Variants in DPP10 observed in about 807,000 individuals in gnomAD.
DPP10 encodes inactive dipeptidyl peptidase 10.
Under a neutral mutation model 120.9 loss-of-function variants are expected in DPP10, and 33 were observed. The observed-to-expected ratio is 0.27, with a 90% confidence interval of 0.21 to 0.37. The LOEUF is 0.37. Ranked by LOEUF, DPP10 falls within the 10% of genes least tolerant of loss-of-function variation. The probability of loss-of-function intolerance (pLI) is 1.00; values close to 1 mark genes in which losing one functional copy is unlikely to be tolerated. For synonymous variants in DPP10, 337 were observed against 326.1 expected, an observed-to-expected ratio of 1.03 and a Z score of -0.36; for missense variants, 816 against 942.8, an observed-to-expected ratio of 0.87 and a Z score of 1.76.
chr2:115,489,671 A>G (rs1417839723), intron 3 of DPP10, among the ~76,000 whole-genome samples: 3 of 151,792 alleles, frequency 2.0e-5, no homozygotes, highest in Admixed American at 1.3e-4. Context: ...ACCTAACTAC[A>G]GATAGCAGAC....
intron 3 of DPP10, among the ~76,000 whole-genome samples, chr2:115,451,979 A>G (rs950885681): frequency 2.6e-5 from 4 of 151,864 alleles, no homozygotes; most frequent in African/African-American, 9.7e-5. Flanking sequence ...ATATGACATT[A>G]TAGTGTATTT....
At chr2:115,522,136 A>G (rs2148882775) in intron 4 of DPP10, among the ~76,000 whole-genome samples, 1 of 152,292 alleles carries the variant, frequency 6.6e-6, no homozygotes. Context: ...ATGGAAAACT[A>G]GCAATACTGT....
chr2:114,457,547 G>A (rs538675719), intron 1 of DPP10, among the ~76,000 whole-genome samples: 1 of 152,254 alleles, frequency 6.6e-6, no homozygotes, highest in Admixed American at 6.5e-5. Flanking sequence ...TTCTGAAACT[G>A]AGGATGGTTG....
At chr2:114,477,966 T>TAC (rs1466112025) in intron 1 of DPP10, among the ~76,000 whole-genome samples, 1 of 149,078 alleles carries the variant, frequency 6.7e-6, no homozygotes, top group Non-Finnish European at 1.5e-5. Flanking sequence ...TGTGTATATG[T>TAC]ATATATGTGT....
chr2:114,657,074 G>A (rs762172258), intron 1 of DPP10, among the ~76,000 whole-genome samples: 6 of 152,020 alleles, frequency 3.9e-5, no homozygotes, highest in Non-Finnish European at 8.8e-5. Flanking sequence ...GTCAGTACTA[G>A]GTGTCTCTGC....
At chr2:114,709,904 A>G (rs556933809) in intron 1 of DPP10, among the ~76,000 whole-genome samples, 1 of 152,348 alleles carries the variant, frequency 6.6e-6, no homozygotes, top group East Asian at 1.9e-4. Context: ...TGAGTAGAGA[A>G]TGAGATTAGG....
intron 5 of DPP10, among the ~76,000 whole-genome samples, chr2:115,587,082 T>TC (rs1216938011): frequency 8.1e-6 from 1 of 124,088 alleles, no homozygotes; most frequent in African/African-American, 3.1e-5. Context: ...TTCTTTTTTT[T>TC]CTCTTTCTTT....
chr2:115,200,211 G>C (rs1399688850), intron 1 of DPP10, among the ~76,000 whole-genome samples: 3 of 152,142 alleles, frequency 2.0e-5, no homozygotes, highest in African/African-American at 7.2e-5. Flanking sequence ...TGGTTCGGTT[G>C]GGCGTCTTTT....
intron 3 of DPP10, among the ~76,000 whole-genome samples, chr2:115,344,676 T>A (rs2063623926): frequency 6.6e-6 from 1 of 152,150 alleles, no homozygotes; most frequent in Non-Finnish European, 1.5e-5. Context: ...TGCTTTGTCT[T>A]TATGGAAGAT....
At chr2:115,271,525 G>A (rs1190791724) in intron 1 of DPP10, among the ~76,000 whole-genome samples, 5 of 151,996 alleles carry the variant, frequency 3.3e-5, no homozygotes, top group African/African-American at 1.2e-4. Flanking sequence ...TTGCAGAAAT[G>A]TGACAAGCTT....
Position 114,876,910 on chromosome 2 carries a change from GT to G in DPP10, c.61-432328del, listed in dbSNP as rs1691209281. Among the ~76,000 whole-genome samples the G allele has an allele frequency of 7.2e-5, 11 of 152,050 alleles. 1 individual carries two copies. Among genetic ancestry groups the G allele is most frequent in the Admixed American group, 6.6e-4 (10 of 15,226 alleles). ...AATATGACCCTAAAGGTACTAAAGT[GT>G]CACGACTTTTCCTTTCCTCTGCAGT... On this transcript the variant is annotated intron_variant, in intron 1 of 25. Transcript: ENST00000410059.
chr2:115,295,306 A>G (rs777872405), intron 1 of DPP10, among the ~76,000 whole-genome samples: 2 of 152,234 alleles, frequency 1.3e-5, no homozygotes, highest in African/African-American at 2.4e-5. Context: ...TGTGAAATGC[A>G]TACTTGCACA....
intron 5 of DPP10, among the ~76,000 whole-genome samples, chr2:115,620,132 A>G (rs1475799939): frequency 6.6e-6 from 1 of 152,204 alleles, no homozygotes; most frequent in Non-Finnish European, 1.5e-5. Context: ...TTAAAAGCCA[A>G]GTCTTTCTCC....
At chr2:115,003,972 G>C (rs1701633149) in intron 1 of DPP10, among the ~76,000 whole-genome samples, 1 of 152,170 alleles carries the variant, frequency 6.6e-6, no homozygotes, top group Non-Finnish European at 1.5e-5. Context: ...TACATATGTA[G>C]TTATTAGTTT....
At chr2:114,694,789 G>T (rs773181402) in intron 1 of DPP10, among the ~76,000 whole-genome samples, 5 of 151,956 alleles carry the variant, frequency 3.3e-5, no homozygotes, top group Non-Finnish European at 7.4e-5. Context: ...AAGACAAAAT[G>T]AAAGATGTGA....
chr2:115,307,417 T>C (rs2061401988), intron 1 of DPP10, among the ~76,000 whole-genome samples: 4 of 152,150 alleles, frequency 2.6e-5, no homozygotes, highest in Admixed American at 2.6e-4. Flanking sequence ...AAGTCAGTTA[T>C]AATTGCTACA....
chr2:114,501,933 C>CTTT lies in DPP10; in HGVS notation c.60+59113_60+59115dup, dbSNP rs34369425. 6.3e-3 allele frequency among the ~76,000 whole-genome samples: 594 copies of CTTT among 94,002 alleles called. 19 individuals are homozygous for CTTT. The highest frequency in any genetic ancestry group is 0.019 in the African/African-American group (528 of 27,240). The allele number at this position is 94,002 out of a possible 152,430, so 61.7% of individuals were successfully genotyped here. ...TGAGAAAAAACGAAGATTGATATTC[C>CTTT]TTTTTTTTTTTTTTTTTTTTGAGAC... On this transcript the variant is annotated intron_variant, in intron 1 of 25. Transcript: ENST00000410059.
At chr2:114,915,145 AAAAT>A (rs1429280287) in intron 1 of DPP10, among the ~76,000 whole-genome samples, 35 of 152,330 alleles carry the variant, frequency 2.3e-4, no homozygotes, top group Non-Finnish European at 5.1e-4. Context: ...AAAAAAATAA[AAAAT>A]AAAAAGAAAT....
At chr2:115,777,982 C>A (rs1682317835) in intron 15 of DPP10, 148 bp downstream of exon 15, 1 of 660,994 alleles carries the variant, frequency 1.5e-6, no homozygotes, top group Non-Finnish European at 2.5e-6. Flanking sequence ...CACTCTTGCA[C>A]CAGTCTCTCC....
Sources: gnomAD v4.1 joint callset for allele counts (sites outside exome capture counted in the v4.1 genomes callset) on GRCh38, gnomAD v4.1.1 for gene constraint, MANE v1.5 for transcripts, NCBI Gene and HGNC (gene_info 2026-07-23, HGNC 2026-07-21) for gene names.